LOC128462377: variants seen among roughly 807,000 people sequenced by gnomAD.
chr16:89,350,012 G>C, the LOC128462377 span, among the ~76,000 whole-genome samples: 2 of 151,838 alleles, frequency 1.3e-5, no homozygotes, highest in African/African-American at 4.8e-5. Flanking sequence ...TGAGCAAATG[G>C]CAGATATGAA....
the LOC128462377 span, among the ~76,000 whole-genome samples, chr16:89,374,380 T>C: frequency 6.6e-6 from 1 of 151,920 alleles, no homozygotes; most frequent in African/African-American, 2.4e-5. Flanking sequence ...CCTGTTTACA[T>C]AAAATCTATG....
the LOC128462377 span, among the ~76,000 whole-genome samples, chr16:89,393,001 T>G: frequency 6.6e-6 from 1 of 152,036 alleles, no homozygotes; most frequent in African/African-American, 2.4e-5. Flanking sequence ...AACTCCAGCC[T>G]ATTTCTTCAC....
chr16:89,321,656 G>A, the LOC128462377 span, among the ~76,000 whole-genome samples: 3 of 151,912 alleles, frequency 2.0e-5, no homozygotes, highest in Non-Finnish European at 2.9e-5. Flanking sequence ...GAGAAGGACC[G>A]TATAAGAAAA....
At chr16:89,335,474 C>T in the LOC128462377 span, among the ~76,000 whole-genome samples, 13 of 152,202 alleles carry the variant, frequency 8.5e-5, no homozygotes, top group South Asian at 2.1e-4. Flanking sequence ...GCACGCAGTA[C>T]GCAGTGGGTT....
the LOC128462377 span, among the ~76,000 whole-genome samples, chr16:89,368,838 C>T: frequency 6.6e-6 from 1 of 152,094 alleles, no homozygotes; most frequent in Non-Finnish European, 1.5e-5. Flanking sequence ...AGGTTGACGC[C>T]ACAGTGAGTC....
At chr16:89,392,653 C>T in the LOC128462377 span, 2 of 150,684 alleles carry the variant, frequency 1.3e-5, no homozygotes, top group Non-Finnish European at 2.9e-5. Context: ...ATCAACTCAG[C>T]ATCTGTAATG....
At chr16:89,412,577 A>T in the LOC128462377 span, 1 of 152,284 alleles carries the variant, frequency 6.6e-6, no homozygotes, top group Non-Finnish European at 1.5e-5. Context: ...GGAAGAAACA[A>T]GCAGGACAGG....
the LOC128462377 span, among the ~76,000 whole-genome samples, chr16:89,400,929 C>A: frequency 6.6e-6 from 1 of 152,304 alleles, no homozygotes; most frequent in Non-Finnish European, 1.5e-5. Flanking sequence ...TCACAGGCTC[C>A]ACCCTGCTCG....
At chr16:89,366,301 T>C in the LOC128462377 span, among the ~76,000 whole-genome samples, 1 of 152,184 alleles carries the variant, frequency 6.6e-6, no homozygotes, top group Non-Finnish European at 1.5e-5. Flanking sequence ...CGCCCGCATG[T>C]GTCTTTATGG....
At chr16:89,345,206 T>A in the LOC128462377 span, among the ~76,000 whole-genome samples, 1 of 150,468 alleles carries the variant, frequency 6.6e-6, no homozygotes, top group Admixed American at 6.6e-5. Context: ...ACTGTAAAGA[T>A]GGAAAAAAAA....
the LOC128462377 span, chr16:89,395,856 G>C: frequency 3.9e-5 from 6 of 152,144 alleles, no homozygotes; most frequent in Non-Finnish European, 5.9e-5. Context: ...GGGGTGGTGC[G>C]GCAAGACTGT....
chr16:89,363,746 G>A, the LOC128462377 span, among the ~76,000 whole-genome samples: 3 of 152,314 alleles, frequency 2.0e-5, no homozygotes, highest in Non-Finnish European at 4.4e-5. Flanking sequence ...ACACGGGCCT[G>A]CAGGTTCCAG....
the LOC128462377 span, chr16:89,392,490 C>T: frequency 1.3e-5 from 2 of 152,004 alleles, no homozygotes; most frequent in Non-Finnish European, 2.9e-5. Context: ...TTGAAAATGT[C>T]TCAATGGGTC....
At chr16:89,317,550 T>C in the LOC128462377 span, among the ~76,000 whole-genome samples, 1 of 152,076 alleles carries the variant, frequency 6.6e-6, no homozygotes, top group Non-Finnish European at 1.5e-5. Context: ...ACTCACCACC[T>C]GGGAAGGAGC....
chr16:89,354,480 T>G, the LOC128462377 span, among the ~76,000 whole-genome samples: 1 of 152,184 alleles, frequency 6.6e-6, no homozygotes, highest in Non-Finnish European at 1.5e-5. Context: ...AGTGGAAATG[T>G]CACAGAGGGC....
the LOC128462377 span, among the ~76,000 whole-genome samples, chr16:89,341,022 A>T: frequency 3.9e-5 from 6 of 152,256 alleles, no homozygotes; most frequent in African/African-American, 1.4e-4. Flanking sequence ...CAGAAAGAAC[A>T]TTTTTAAAAT....
At chr16:89,328,012 A>C in the LOC128462377 span, among the ~76,000 whole-genome samples, 1 of 152,268 alleles carries the variant, frequency 6.6e-6, no homozygotes, top group Non-Finnish European at 1.5e-5. Flanking sequence ...ATGTAGAAGA[A>C]AGAAGTATCA....
chr16:89,401,482 T>A, the LOC128462377 span, among the ~76,000 whole-genome samples: 41 of 152,322 alleles, frequency 2.7e-4, no homozygotes, highest in South Asian at 7.2e-3. Flanking sequence ...TCCAGAGTAA[T>A]CCTTATTTTG....
At chr16:89,407,128 G>A in the LOC128462377 span, among the ~76,000 whole-genome samples, 1 of 152,042 alleles carries the variant, frequency 6.6e-6, no homozygotes, top group African/African-American at 2.4e-5. Context: ...GGAGGAGGCG[G>A]TGAGTTGAGA....
Sources: gnomAD v4.1 joint callset for allele counts (sites outside exome capture counted in the v4.1 genomes callset) on GRCh38, gnomAD v4.1.1 for gene constraint, MANE v1.5 for transcripts.